PLXDC2: variants seen among roughly 807,000 people sequenced by gnomAD.
PLXDC2 encodes the protein plexin domain containing 2.
A neutral mutation model predicts 68.9 loss-of-function variants in PLXDC2; 40 were observed. That is an observed-to-expected ratio of 0.58 (90% CI 0.45 to 0.76). PLXDC2 has a LOEUF of 0.76. PLXDC2 is among the 30% of genes least tolerant of loss of function. PLXDC2 has a pLI of 0.00. For missense variants in PLXDC2, 644 were observed against 661.9 expected (o/e 0.97, Z 0.30); for synonymous variants, 243 against 234.2 (o/e 1.04, Z -0.34).
intron 1 of PLXDC2, among the ~76,000 whole-genome samples, chr10:19,854,578 T>C (rs765608638): frequency 4.6e-5 from 7 of 152,228 alleles, no homozygotes; most frequent in Non-Finnish European, 1.0e-4. Context: ...GAAATGTTCA[T>C]GTAGACGCAA....
Position 20,285,172 on chromosome 10 carries a change from T to A in PLXDC2, c.*5353T>A, listed in dbSNP as rs965958866. The A allele has an allele frequency of 6.6e-6, 1 of 152,236 alleles. No homozygotes were observed. Among genetic ancestry groups the A allele is most frequent in the Admixed American group, 6.5e-5 (1 of 15,284 alleles). 9.4% of individuals were successfully genotyped at this position (152,236 alleles called of 1,614,324 possible). ...CAACATTTTTGTCCTTATAAGGTTT[T>A]TTGGGCAGATAATGCGAGGTCTGTG... On this transcript the variant is annotated 3_prime_UTR_variant, in exon 14 of 14. Coordinates refer to ENST00000377252, the MANE Select transcript of PLXDC2 (RefSeq NM_032812.9).
intron 1 of PLXDC2, among the ~76,000 whole-genome samples, chr10:19,991,117 G>A (rs567952202): frequency 1.1e-4 from 17 of 151,864 alleles, no homozygotes; most frequent in Non-Finnish European, 2.1e-4. Flanking sequence ...GTGGTAGCAC[G>A]TGCCTGTAAT....
intron 4 of PLXDC2, among the ~76,000 whole-genome samples, chr10:20,069,402 C>A (rs112594154): frequency 6.6e-6 from 1 of 152,196 alleles, no homozygotes; most frequent in African/African-American, 2.4e-5. Flanking sequence ...GTGGCTCATA[C>A]CTGTAGCTAC....
intron 9 of PLXDC2, among the ~76,000 whole-genome samples, chr10:20,178,407 G>T (rs1388348324): frequency 6.6e-6 from 1 of 152,002 alleles, no homozygotes; most frequent in Non-Finnish European, 1.5e-5. Context: ...TATGTTCCGG[G>T]TACTGGGAAC....
intron 1 of PLXDC2, among the ~76,000 whole-genome samples, chr10:19,930,729 G>A (rs1320316744): frequency 6.6e-6 from 1 of 152,130 alleles, no homozygotes; most frequent in Non-Finnish European, 1.5e-5. Context: ...TTGGGAGGCC[G>A]AGGTGGGTGG....
chr10:19,999,477 AT>A (rs138752041), intron 1 of PLXDC2, among the ~76,000 whole-genome samples: 11 of 150,564 alleles, frequency 7.3e-5, no homozygotes, highest in South Asian at 4.2e-4. Context: ...TTTAAATACC[AT>A]TTTTTTTATC....
intron 2 of PLXDC2, among the ~76,000 whole-genome samples, chr10:20,044,211 GTCTTTCTTTCTT>G (rs1226746835): frequency 0.12 from 8,060 of 68,090 alleles, 665 homozygotes; most frequent in Middle Eastern, 0.18. Flanking sequence ...CTCTCTCTCT[GTCTTTCTTTCTT>G]TCTTTCTTTC....
At chr10:19,988,348 A>G (rs1294258443) in intron 1 of PLXDC2, among the ~76,000 whole-genome samples, 1 of 152,168 alleles carries the variant, frequency 6.6e-6, no homozygotes. Context: ...GCTATAGTTC[A>G]TACTTTTTTT....
chr10:20,122,266 A>G (rs372525295), intron 4 of PLXDC2, among the ~76,000 whole-genome samples: 205 of 152,310 alleles, frequency 1.3e-3, no homozygotes, highest in African/African-American at 4.8e-3. Flanking sequence ...CAGTTATGGA[A>G]GCAAGGGAAA....
chr10:20,238,677 G>A (rs377237202), intron 12 of PLXDC2, among the ~76,000 whole-genome samples: 3,095 of 74,172 alleles, frequency 0.042, 100 homozygotes, highest in Non-Finnish European at 0.048. Flanking sequence ...ATATATATAT[G>A]TATATATATA....
chr10:19,823,469 G>A (rs570036360), intron 1 of PLXDC2, among the ~76,000 whole-genome samples: 1 of 151,486 alleles, frequency 6.6e-6, no homozygotes, highest in Admixed American at 6.6e-5. Flanking sequence ...AGATCAAGAG[G>A]TCAGGAGATC....
chr10:19,900,326 A>G (rs1007556293), intron 1 of PLXDC2, among the ~76,000 whole-genome samples: 1 of 152,196 alleles, frequency 6.6e-6, no homozygotes, highest in Admixed American at 6.5e-5. Context: ...TCTTTTAAAC[A>G]ATCAGTTAGT....
In PLXDC2 at chr10:20,178,070, T is replaced by C. The variant is rs373339426; in HGVS notation, c.1061+661T>C. Among the ~76,000 whole-genome samples, 21 of 152,236 alleles carry C rather than the reference T, an allele frequency of 1.4e-4. No individual in the cohort carries two copies. The East Asian group carries it at 3.9e-3, about 28-fold the overall frequency. Reference sequence around the variant, plus strand: ...CAGAAAGCATGTTATGAGATATATTTTCATAGCAAGGGTGGTTTATAATAA... The same window carrying C: ...CAGAAAGCATGTTATGAGATATATTCTCATAGCAAGGGTGGTTTATAATAA... On this transcript the variant is annotated intron_variant, in intron 9 of 13. Coordinates refer to ENST00000377252, the MANE Select transcript of PLXDC2 (RefSeq NM_032812.9).
At chr10:19,923,428 A>G (rs1422697059) in intron 1 of PLXDC2, among the ~76,000 whole-genome samples, 1 of 152,242 alleles carries the variant, frequency 6.6e-6, no homozygotes. Flanking sequence ...ATGTAAGAGT[A>G]AAAATCAAAG....
intron 1 of PLXDC2, among the ~76,000 whole-genome samples, chr10:19,825,770 T>A (rs1481908087): frequency 6.6e-6 from 1 of 152,198 alleles, no homozygotes; most frequent in African/African-American, 2.4e-5. Flanking sequence ...TCATGCTGAA[T>A]CTATTATATC....
At chr10:19,861,042 T>G (rs1057199998) in intron 1 of PLXDC2, among the ~76,000 whole-genome samples, 2 of 151,912 alleles carry the variant, frequency 1.3e-5, no homozygotes, top group African/African-American at 2.4e-5. Flanking sequence ...TTTCTGTCTT[T>G]TCTTTTTTTT....
At position 20,146,510 on chromosome 10, in the gene PLXDC2, TCCTTCCTTCCTCCCTC is replaced by T. The variant is rs1392356860; in HGVS notation, c.665-1270_665-1255del. ...CTTTTTCCTTCCTTCCTTCCTTCCT[TCCTTCCTTCCTCCCTC>T]CCTCCCTCCCTCCCTCCCTCAGGAC... On this transcript the variant is annotated intron_variant, in intron 5 of 13. Transcript: ENST00000377252. Among the ~76,000 whole-genome samples, 139 of 145,358 alleles carry T rather than the reference TCCTTCCTTCCTCCCTC, an allele frequency of 9.6e-4. 1 individual carries two copies. The highest frequency in any genetic ancestry group is 7.5e-3 in the South Asian group (33 of 4,378).
intron 9 of PLXDC2, among the ~76,000 whole-genome samples, chr10:20,178,962 T>C (rs1834565241): frequency 6.6e-6 from 1 of 152,130 alleles, no homozygotes. Context: ...TTTCTGGTTA[T>C]TTATATTGAT....
chr10:20,029,744 A>G (rs577908956), intron 2 of PLXDC2, among the ~76,000 whole-genome samples: 2 of 152,196 alleles, frequency 1.3e-5, no homozygotes, highest in Non-Finnish European at 2.9e-5. Context: ...ATATTACGAA[A>G]ATATTTGTCT....
Sources: gnomAD v4.1 joint callset for allele counts (sites outside exome capture counted in the v4.1 genomes callset) on GRCh38, gnomAD v4.1.1 for gene constraint, MANE v1.5 for transcripts, NCBI Gene and HGNC (gene_info 2026-07-23, HGNC 2026-07-21) for gene names.